REEP3: variants seen among roughly 807,000 people sequenced by gnomAD.
REEP3 encodes the protein receptor expression-enhancing protein 3.
In REEP3, 20 loss-of-function variants were observed where a neutral mutation model predicts 41.3. The observed-to-expected ratio is 0.48, with a 90% confidence interval of 0.34 to 0.70. The LOEUF (loss-of-function observed/expected upper bound fraction) is 0.70. REEP3 is among the 30% of genes least tolerant of loss of function. REEP3 has a pLI of 0.01. For synonymous variants in REEP3, 104 were observed against 101.8 expected (o/e 1.02, Z -0.13); for missense variants, 271 against 308.8 (o/e 0.88, Z 0.92).
intron 1 of REEP3, among the ~76,000 whole-genome samples, chr10:63,530,208 T>G (rs893948357): frequency 6.6e-6 from 1 of 152,270 alleles, no homozygotes; most frequent in Admixed American, 6.5e-5. Flanking sequence ...TATGGAAGTT[T>G]GAAGGCAGTC....
chr10:63,602,058 A>G (rs1956176519), intron 5 of REEP3, among the ~76,000 whole-genome samples: 1 of 152,162 alleles, frequency 6.6e-6, no homozygotes, highest in Admixed American at 6.5e-5. Flanking sequence ...CCTGAGCACC[A>G]TGAAAAAATA....
At position 63,625,121 on chromosome 10, in the gene REEP3, G is replaced by A. The variant is rs1956386546; in HGVS notation, c.*4252G>A. The A allele has an allele frequency of 6.6e-6, 1 of 152,022 alleles. No homozygotes were observed. Among genetic ancestry groups the A allele is most frequent in the Non-Finnish European group, 1.5e-5 (1 of 67,946 alleles). The allele number at this position is 152,022 out of a possible 1,614,324, so 9.4% of individuals were successfully genotyped here. On this transcript the variant is annotated 3_prime_UTR_variant, in exon 8 of 8. Transcript: ENST00000373758. ...TAGAAATATAAATAAAAATTCAAAA[G>A]AACACAATATATGAACGGCATTTTT... is the stretch of plus-strand genomic sequence containing the variant.
At chr10:63,598,755 G>A (rs1956142661) in intron 4 of REEP3, among the ~76,000 whole-genome samples, 1 of 144,146 alleles carries the variant, frequency 6.9e-6, no homozygotes, top group Non-Finnish European at 1.5e-5. Context: ...CTGCACTCCA[G>A]CCTGGACAAG....
At chr10:63,612,645 G>A (rs1956284855) in intron 6 of REEP3, among the ~76,000 whole-genome samples, 1 of 152,038 alleles carries the variant, frequency 6.6e-6, no homozygotes, top group Admixed American at 6.5e-5. Flanking sequence ...ACAAAAATTA[G>A]CCAGGTGTGG....
chr10:63,557,538 C>A (rs75605331), intron 1 of REEP3, among the ~76,000 whole-genome samples: 1 of 152,080 alleles, frequency 6.6e-6, no homozygotes, highest in Non-Finnish European at 1.5e-5. Context: ...TAATTACCTA[C>A]GTTAAATTTA....
At chr10:63,581,867 CT>C (rs34810180) in intron 2 of REEP3, among the ~76,000 whole-genome samples, 529 of 140,922 alleles carry the variant, frequency 3.8e-3, no homozygotes, top group Non-Finnish European at 4.0e-3. Context: ...GGTTCAGCTC[CT>C]TTTTTTTTTT....
chr10:63,559,715 AGTT>A lies in REEP3; in HGVS notation c.33-6614_33-6612del, dbSNP rs903359296. Among the ~76,000 whole-genome samples, 91 of 152,280 alleles carry A rather than the reference AGTT, an allele frequency of 6.0e-4. 1 individual carries two copies. The highest frequency in any genetic ancestry group is 2.1e-3 in the African/African-American group (89 of 41,562). On this transcript the variant is annotated intron_variant, in intron 1 of 7. Transcript: ENST00000373758. The stretch of plus-strand genomic sequence containing the variant: ...TGGTTTTAAAATAACACCCATCTCT[AGTT>A]GTTGTTGTGAAAATCAAGTGATATA...
At chr10:63,554,019 G>A (rs61853642) in intron 1 of REEP3, among the ~76,000 whole-genome samples, 18,381 of 151,560 alleles carry the variant, frequency 0.12, 1,398 homozygotes, top group East Asian at 0.28. Flanking sequence ...GGAGAATGGC[G>A]TGAACCCGGG....
intron 1 of REEP3, among the ~76,000 whole-genome samples, chr10:63,533,708 A>G (rs1373685830): frequency 1.1e-5 from 1 of 93,918 alleles, no homozygotes; most frequent in Non-Finnish European, 2.5e-5. Flanking sequence ...AAGTATGTAA[A>G]TCTTTTTTTT....
chr10:63,593,632 A>C (rs1437915662), intron 2 of REEP3, among the ~76,000 whole-genome samples: 1 of 152,218 alleles, frequency 6.6e-6, no homozygotes, highest in Non-Finnish European at 1.5e-5. Context: ...ATCGTACGTG[A>C]AACTCCAGTG....
chr10:63,610,897 C>A (rs558863578), intron 6 of REEP3, among the ~76,000 whole-genome samples: 1 of 152,126 alleles, frequency 6.6e-6, no homozygotes, highest in South Asian at 2.1e-4. Flanking sequence ...GGTGAAACTC[C>A]GTCTCTACTA....
chr10:63,572,355 G>A (rs1955860830), intron 2 of REEP3, among the ~76,000 whole-genome samples: 1 of 151,726 alleles, frequency 6.6e-6, no homozygotes, highest in Non-Finnish European at 1.5e-5. Flanking sequence ...TGCGGAACGT[G>A]TAGGTTTGTT....
At chr10:63,566,814 T>C (rs1001618869) in intron 2 of REEP3, among the ~76,000 whole-genome samples, 2 of 152,224 alleles carry the variant, frequency 1.3e-5, no homozygotes, top group Non-Finnish European at 2.9e-5. Flanking sequence ...CTAATCTATA[T>C]AAATATGCAG....
chr10:63,579,222 G>C (rs1008071321), intron 2 of REEP3, among the ~76,000 whole-genome samples: 3 of 152,018 alleles, frequency 2.0e-5, no homozygotes, highest in Admixed American at 1.3e-4. Flanking sequence ...GTAGAGATGG[G>C]GTTTCACCAT....
chr10:63,531,785 A>G (rs1370124310), intron 1 of REEP3, among the ~76,000 whole-genome samples: 7 of 152,184 alleles, frequency 4.6e-5, no homozygotes. Context: ...TGCTGCTTCT[A>G]TGTATTTTAT....
At chr10:63,595,062 C>T (rs888161744) in intron 3 of REEP3, among the ~76,000 whole-genome samples, 1 of 152,112 alleles carries the variant, frequency 6.6e-6, no homozygotes, top group African/African-American at 2.4e-5. Context: ...CCCCATACGC[C>T]GCTCCCTGCT....
At chr10:63,549,274 T>C (rs560707402) in intron 1 of REEP3, among the ~76,000 whole-genome samples, 3 of 152,098 alleles carry the variant, frequency 2.0e-5, no homozygotes, top group Non-Finnish European at 2.9e-5. Flanking sequence ...GGGAGAGAGA[T>C]AAAGAAAGAA....
At chr10:63,536,972 CACAT>C (rs2133346522) in intron 1 of REEP3, among the ~76,000 whole-genome samples, 1 of 152,312 alleles carries the variant, frequency 6.6e-6, no homozygotes, top group Admixed American at 6.5e-5. Context: ...GTTAATCACT[CACAT>C]ACCCTATAAC....
intron 1 of REEP3, among the ~76,000 whole-genome samples, chr10:63,534,253 T>TA (rs891040643): frequency 3.9e-5 from 6 of 152,140 alleles, no homozygotes; most frequent in Non-Finnish European, 7.4e-5. Context: ...ATTTTTTATT[T>TA]TTTTTTTGTT....
Sources: gnomAD v4.1 joint callset for allele counts (sites outside exome capture counted in the v4.1 genomes callset) on GRCh38, gnomAD v4.1.1 for gene constraint, MANE v1.5 for transcripts, NCBI Gene and HGNC (gene_info 2026-07-23, HGNC 2026-07-21) for gene names.